PARP11: variants seen among roughly 807,000 people sequenced by gnomAD.
PARP11 encodes protein mono-ADP-ribosyltransferase PARP11.
PARP11 carries 31 observed loss-of-function variants against 42.9 expected under a neutral mutation model. That is an observed-to-expected ratio of 0.72 (90% CI 0.54 to 0.98). The LOEUF (loss-of-function observed/expected upper bound fraction) is 0.98. Ranked by LOEUF, PARP11 falls within the 50% of genes least tolerant of loss-of-function variation. The probability of loss-of-function intolerance (pLI) is 0.00; values close to 1 mark genes in which losing one functional copy is unlikely to be tolerated. For synonymous variants in PARP11, 137 were observed against 127.3 expected (o/e 1.08, Z -0.51); for missense variants, 365 against 413.1 (o/e 0.88, Z 1.01).
At chr12:3,824,572 G>A (rs1947476005) in intron 4 of PARP11, 2 of 889,244 alleles carry the variant, frequency 2.2e-6, no homozygotes, top group African/African-American at 1.8e-5. Flanking sequence ...ACACCCTATT[G>A]TATCTTACCT....
intron 7 of PARP11, among the ~76,000 whole-genome samples, chr12:3,813,409 G>A (rs1185239616): frequency 1.3e-5 from 2 of 152,108 alleles, no homozygotes; most frequent in Non-Finnish European, 2.9e-5. Context: ...ATGAAAACTC[G>A]ATAAAGCAGC....
chr12:3,839,958 T>C, intron 1 of PARP11: 1 of 1,298,306 alleles, frequency 7.7e-7, no homozygotes, highest in South Asian at 1.2e-5. Flanking sequence ...CTGCTGCTGA[T>C]GTGAATGGAT....
At chr12:3,851,893 C>G (rs1420345856) in intron 1 of PARP11, among the ~76,000 whole-genome samples, 1 of 152,178 alleles carries the variant, frequency 6.6e-6, no homozygotes, top group Non-Finnish European at 1.5e-5. Flanking sequence ...TCGGATGCCC[C>G]TCTGAGACGA....
Position 3,840,296 on chromosome 12 carries a change from C to A in PARP11, c.19-10278G>T. ...ACATCAAAGAACCTCAAGGCACCTCCCCCAGAAAGCTGGAACACAGTGTCA... is the reference window on the plus strand; with the variant it reads ...ACATCAAAGAACCTCAAGGCACCTCACCCAGAAAGCTGGAACACAGTGTCA... On this transcript the variant is annotated intron_variant, in intron 1 of 7. Coordinates refer to ENST00000228820, the MANE Select transcript of PARP11 (RefSeq NM_020367.6). The surrounding 1 kb of genome is among the most constrained non-coding windows in gnomAD (Gnocchi z 4.4). 1 of 1,614,068 alleles carries A rather than the reference C, an allele frequency of 6.2e-7. No homozygotes were observed. The highest frequency in any genetic ancestry group is 1.1e-5 in the South Asian group (1 of 91,064).
At chr12:3,849,297 C>T (rs567124437) in intron 1 of PARP11, among the ~76,000 whole-genome samples, 62 of 152,090 alleles carry the variant, frequency 4.1e-4, no homozygotes, top group African/African-American at 5.1e-4. Flanking sequence ...AGCAACTCCA[C>T]GACTGAGTAT....
At chr12:3,819,008 A>T (rs11062843) in intron 6 of PARP11, among the ~76,000 whole-genome samples, 9,038 of 151,808 alleles carry the variant, frequency 0.06, 340 homozygotes, top group East Asian at 0.18. Context: ...TTTTCTAACA[A>T]CTCCAAAACC....
intron 1 of PARP11, among the ~76,000 whole-genome samples, chr12:3,866,218 C>T (rs73253304): frequency 0.012 from 1,842 of 152,210 alleles, 44 homozygotes; most frequent in African/African-American, 0.042. Flanking sequence ...TAACATTTCA[C>T]AGTTTATCCT....
intron 4 of PARP11, chr12:3,824,607 A>G: frequency 1.0e-6 from 1 of 981,762 alleles, no homozygotes; most frequent in Non-Finnish European, 1.2e-6. Flanking sequence ...TTTTATTATT[A>G]TCTTGCTTAT....
chr12:3,837,054 T>C (rs576976557), intron 1 of PARP11, among the ~76,000 whole-genome samples: 24 of 152,264 alleles, frequency 1.6e-4, no homozygotes, highest in African/African-American at 5.5e-4. Context: ...AGGAGTCAAG[T>C]AGGACTACAA....
intron 1 of PARP11, among the ~76,000 whole-genome samples, chr12:3,833,907 G>C (rs553386029): frequency 2.6e-5 from 4 of 152,278 alleles, no homozygotes; most frequent in African/African-American, 9.6e-5. Context: ...GGAAGGGCAG[G>C]CTGCTGGTGT....
intron 1 of PARP11, among the ~76,000 whole-genome samples, chr12:3,845,353 T>C (rs1947976897): frequency 1.3e-5 from 2 of 152,214 alleles, no homozygotes; most frequent in South Asian, 4.1e-4. Flanking sequence ...AATGCCGATA[T>C]ATCTTATTTA....
intron 1 of PARP11, among the ~76,000 whole-genome samples, chr12:3,859,140 ACT>A (rs1461738218): frequency 1.3e-5 from 2 of 151,996 alleles, no homozygotes; most frequent in Non-Finnish European, 2.9e-5. Context: ...TTACCTTTGA[ACT>A]GTGTGTAAAA....
intron 1 of PARP11, among the ~76,000 whole-genome samples, chr12:3,859,066 C>T (rs532826075): frequency 1.4e-5 from 2 of 146,882 alleles, no homozygotes; most frequent in East Asian, 2.0e-4. Context: ...TCATTGCACT[C>T]GAGCCTGGGC....
chr12:3,854,458 C>T (rs964393658), intron 1 of PARP11, among the ~76,000 whole-genome samples: 14 of 152,106 alleles, frequency 9.2e-5, no homozygotes, highest in Non-Finnish European at 1.6e-4. Flanking sequence ...GGGGATATCA[C>T]CACTGATCCC....
intron 6 of PARP11, among the ~76,000 whole-genome samples, chr12:3,817,642 C>T (rs1947318825): frequency 1.3e-5 from 2 of 152,224 alleles, no homozygotes; most frequent in South Asian, 4.1e-4. Context: ...CCCGAACTTA[C>T]TGAAAGTACT....
intron 1 of PARP11, among the ~76,000 whole-genome samples, chr12:3,858,988 T>C (rs1032231840): frequency 2.0e-5 from 3 of 151,124 alleles, no homozygotes; most frequent in Non-Finnish European, 4.4e-5. Context: ...TCCCAGTTAC[T>C]TGGGAGGCTG....
chr12:3,831,687 T>C (rs1019100980), intron 1 of PARP11, among the ~76,000 whole-genome samples: 3 of 152,306 alleles, frequency 2.0e-5, no homozygotes. Context: ...TTTTTCTTCA[T>C]GTTTTAAATT....
At position 3,812,421 on chromosome 12, in the gene PARP11, T is replaced by A. The variant is rs752642991; in HGVS notation, c.719A>T (p.Asp240Val). ...VFGKGTYFAR[D>V]AAYSSRFCKD... The stretch of plus-strand genomic sequence containing the variant: ...GCAGAAACGACTGGAATAAGCAGCA[T>A]CTCTAGCAAAATAGGTTCCTTAAAC... Residue 240 changes from aspartate (D) to valine (V), a missense_variant, in exon 8 of 8, where the codon GAT becomes GTT. Asp to Val is a radical substitution (Grantham distance 152). Coordinates refer to ENST00000228820, the MANE Select transcript of PARP11 (RefSeq NM_020367.6). The A allele has an allele frequency of 6.8e-6, 11 of 1,608,824 alleles. No homozygotes were observed. The highest frequency in any genetic ancestry group is 9.3e-6 in the Non-Finnish European group (11 of 1,177,256).
intron 1 of PARP11, among the ~76,000 whole-genome samples, chr12:3,834,357 G>A (rs545447994): frequency 1.4e-4 from 21 of 152,316 alleles, no homozygotes; most frequent in Admixed American, 7.2e-4. Flanking sequence ...AGTGGGCCGG[G>A]TGTGGTGGTT....
Sources: allele counts gnomAD v4.1 joint callset (sites outside exome capture counted in the v4.1 genomes callset), GRCh38; gene constraint gnomAD v4.1.1; non-coding constraint Gnocchi (gnomAD v3.1); transcripts MANE v1.5; gene names NCBI Gene and HGNC (gene_info 2026-07-23, HGNC 2026-07-21).